The following SCUBE1 variants were observed in gnomAD, a reference collection of about 807,000 sequenced individuals.
The protein encoded by SCUBE1 is signal peptide, CUB and EGF-like domain-containing protein 1.
SCUBE1 carries 59 observed loss-of-function variants against 124.4 expected under a neutral mutation model. The observed-to-expected ratio is 0.47, with a 90% CI of 0.38 to 0.59. The LOEUF (loss-of-function observed/expected upper bound fraction) is 0.59. Among genes scored for constraint, SCUBE1 ranks in the 20% least tolerant of loss-of-function variants. The pLI, the probability that SCUBE1 is intolerant of heterozygous loss-of-function variation, is 0.00. For synonymous variants in SCUBE1, 545 were observed against 550.9 expected, an observed-to-expected ratio of 0.99 and a Z score of 0.15; for missense variants, 1,150 against 1,371.2, an observed-to-expected ratio of 0.84 and a Z score of 2.55.
chr22:43,339,471 G>A (rs771928568), intron 1 of SCUBE1, among the ~76,000 whole-genome samples: 52 of 151,920 alleles, frequency 3.4e-4, no homozygotes, highest in Non-Finnish European at 5.0e-4. Context: ...ATTTATTGTC[G>A]CAACCATCCC....
intron 6 of SCUBE1, among the ~76,000 whole-genome samples, chr22:43,245,243 C>A (rs1028877027): frequency 6.6e-6 from 1 of 152,230 alleles, no homozygotes; most frequent in South Asian, 2.1e-4. Context: ...GCCTCCCTTG[C>A]GCCTCTGACA....
intron 4 of SCUBE1, among the ~76,000 whole-genome samples, chr22:43,285,277 C>T (rs927160681): frequency 1.3e-5 from 2 of 152,320 alleles, no homozygotes; most frequent in Admixed American, 1.3e-4. Flanking sequence ...GAACTGAGTG[C>T]TGTCCCGACG....
intron 3 of SCUBE1, among the ~76,000 whole-genome samples, chr22:43,300,492 G>C (rs1447757909): frequency 6.6e-6 from 1 of 151,910 alleles, no homozygotes; most frequent in Non-Finnish European, 1.5e-5. Flanking sequence ...TGTCTGTGGG[G>C]AGACAGAAAC....
At chr22:43,236,949 TCTGACCTTG>T (rs1922790377) in intron 7 of SCUBE1, among the ~76,000 whole-genome samples, 1 of 152,192 alleles carries the variant, frequency 6.6e-6, no homozygotes, top group Non-Finnish European at 1.5e-5. Context: ...TGAGATGATC[TCTGACCTTG>T]GCCAGTGGGA....
chr22:43,220,325 C>A, intron 14 of SCUBE1, 125 bp downstream of exon 14: 1 of 1,123,378 alleles, frequency 8.9e-7, no homozygotes, highest in African/African-American at 1.6e-5. Context: ...AGCTGGGCTC[C>A]CATCCCAGCC....
chr22:43,210,291 C>G lies in SCUBE1; in HGVS notation c.2384-51G>C. Reference sequence around the variant, plus strand: ...TCATCAGGCTCTGCTGGGCAGGGGCCCTGGCCGGCCAGGCCTCTAACCACC... The same window carrying G: ...TCATCAGGCTCTGCTGGGCAGGGGCGCTGGCCGGCCAGGCCTCTAACCACC... On this transcript the variant is annotated intron_variant, in intron 18 of 21. Transcript: ENST00000360835. The surrounding 1 kb of genome is among the most constrained non-coding windows in gnomAD (Gnocchi z 4.5). The G allele has an allele frequency of 6.9e-7, 1 of 1,452,752 alleles. No individual in the cohort carries two copies. The highest frequency in any genetic ancestry group is 9.1e-7 in the Non-Finnish European group (1 of 1,103,640). The allele number at this position is 1,452,752 out of a possible 1,614,324, so 90.0% of individuals were successfully genotyped here.
chr22:43,214,047 G>GGGCCCCCCCCCCCCCCCCC, intron 16 of SCUBE1, 43 bp downstream of exon 16: 1 of 143,436 alleles, frequency 7.0e-6, no homozygotes, highest in Non-Finnish European at 1.3e-5. Context: ...AGGAGCCCCC[G>GGGCCCCCCCCCCCCCCCCC]CCCACCCCCC....
At chr22:43,226,826 C>T (rs1922338046) in intron 10 of SCUBE1, among the ~76,000 whole-genome samples, 1 of 152,040 alleles carries the variant, frequency 6.6e-6, no homozygotes, top group African/African-American at 2.4e-5. Context: ...AGGGGCCCGT[C>T]CAGAACTCAG....
chr22:43,243,680 G>A (rs950921743), intron 6 of SCUBE1, among the ~76,000 whole-genome samples: 1 of 152,246 alleles, frequency 6.6e-6, no homozygotes. Flanking sequence ...GAGGCAGAAT[G>A]ACAGGGTTCC....
chr22:43,210,789 A>C lies in SCUBE1; in HGVS notation c.2383+133T>G, dbSNP rs1031024542. The C allele has an allele frequency of 1.3e-5, 14 of 1,099,558 alleles. No homozygotes were observed. The highest frequency in any genetic ancestry group is 9.9e-5 in the East Asian group (4 of 40,456). The allele number at this position is 1,099,558 out of a possible 1,614,324, so 68.1% of individuals were successfully genotyped here. On this transcript the variant is annotated intron_variant, in intron 18 of 21. Coordinates refer to ENST00000360835, the MANE Select transcript of SCUBE1 (RefSeq NM_173050.5). This position sits in a 1 kb window ranked among gnomAD's most constrained non-coding sequence, Gnocchi z 4.5. ...TCCAGATGGATGCAATGCACCCGAG[A>C]GCAGACGGGACGGAGCGGGAGGAGT...
At chr22:43,219,387 G>A (rs1163836800) in intron 14 of SCUBE1, among the ~76,000 whole-genome samples, 3 of 152,174 alleles carry the variant, frequency 2.0e-5, no homozygotes, top group Non-Finnish European at 4.4e-5. Flanking sequence ...TTCTCGGACA[G>A]CCTGCAGAGC....
intron 17 of SCUBE1, 103 bp downstream of exon 17, chr22:43,212,322 G>T: frequency 7.7e-7 from 1 of 1,298,922 alleles, no homozygotes; most frequent in Non-Finnish European, 1.1e-6. Context: ...TGAGCTGGGA[G>T]GTTCGCCACA....
chr22:43,259,305 G>A (rs1295647022), intron 5 of SCUBE1, among the ~76,000 whole-genome samples: 3 of 152,146 alleles, frequency 2.0e-5, no homozygotes, highest in Non-Finnish European at 4.4e-5. Flanking sequence ...TCAGTATGGG[G>A]CGTGTTCTTG....
At position 43,343,212 on chromosome 22, in the gene SCUBE1, C is replaced by G; in HGVS notation, c.50G>C (p.Gly17Ala). The change falls in exon 1 of 22, where the codon GGC (glycine) becomes GCC (alanine). Residue 17 changes from glycine to alanine, a missense_variant. This residue lies in a region of SCUBE1 where 56 missense variants were observed against 48.1 expected (regional missense o/e 1.16). Coordinates refer to ENST00000360835, the MANE Select transcript of SCUBE1 (RefSeq NM_173050.5). ...RWHLCVLLAL[G>A]TRGRLAGGSG... ...GCCCCCGGCCAGCCGCCCGCGTGTG[C>G]CCAGGGCCAGCAGCACGCACAAGTG... 8.2e-7 allele frequency: 1 copy of G among 1,214,636 alleles called. No homozygotes were observed. Among genetic ancestry groups the G allele is most frequent in the Admixed American group, 3.6e-5 (1 of 27,454 alleles). 75.2% of individuals were successfully genotyped at this position (1,214,636 alleles called of 1,614,324 possible). A position where few individuals can be genotyped will look rare whatever the true frequency, so the allele number is the denominator to read the frequency against.
chr22:43,248,133 C>G (rs1923291753), intron 6 of SCUBE1, among the ~76,000 whole-genome samples: 1 of 152,198 alleles, frequency 6.6e-6, no homozygotes, highest in Non-Finnish European at 1.5e-5. Flanking sequence ...AGAGAGGAAA[C>G]AGGGCAGGCA....
chr22:43,274,340 T>TA (rs1221158140), intron 4 of SCUBE1, among the ~76,000 whole-genome samples: 5 of 152,186 alleles, frequency 3.3e-5, no homozygotes, highest in East Asian at 1.9e-4. Flanking sequence ...ATACTTATAA[T>TA]AAAAAAAATT....
intron 19 of SCUBE1, among the ~76,000 whole-genome samples, chr22:43,209,226 C>T (rs368502702): frequency 5.3e-5 from 8 of 152,258 alleles, no homozygotes; most frequent in East Asian, 1.9e-4. Flanking sequence ...CTCATCTGGC[C>T]GGTCTCTGTG....
At chr22:43,205,326 C>A (rs896327695) in intron 21 of SCUBE1, among the ~76,000 whole-genome samples, 2 of 152,030 alleles carry the variant, frequency 1.3e-5, no homozygotes, top group African/African-American at 2.4e-5. Flanking sequence ...TCTCTGAGCC[C>A]CAGTGTCTCG....
chr22:43,317,387 T>C (rs960011526), intron 3 of SCUBE1, among the ~76,000 whole-genome samples: 8 of 152,172 alleles, frequency 5.3e-5, no homozygotes, highest in African/African-American at 9.7e-5. Context: ...TCAGACACCA[T>C]GTAGATAGTA....
Sources: gnomAD v4.1 joint callset for allele counts (sites outside exome capture counted in the v4.1 genomes callset) on GRCh38, gnomAD v4.1.1 for gene constraint, gnomAD v4.1.1 regional missense constraint, Gnocchi (gnomAD v3.1) non-coding constraint, MANE v1.5 for transcripts, NCBI Gene and HGNC (gene_info 2026-07-23, HGNC 2026-07-21) for gene names.